The following OTC variants were observed in gnomAD, a reference collection of about 807,000 sequenced individuals.
OTC encodes ornithine transcarbamylase, mitochondrial.
Under a neutral mutation model 30.3 loss-of-function variants are expected in OTC, and 3 were observed. The observed-to-expected ratio is 0.10, with a 90% CI of 0.05 to 0.26. The LOEUF is 0.26. Among genes scored for constraint, OTC ranks in the 10% least tolerant of loss-of-function variants. The pLI is 1.00. For synonymous variants in OTC, 111 were observed against 99.7 expected, an observed-to-expected ratio of 1.11 and a Z score of -0.67; for missense variants, 194 against 260.3, an observed-to-expected ratio of 0.75 and a Z score of 1.75.
At chrX:38,356,312 A>G (rs1441166540) in intron 1 of OTC, among the ~76,000 whole-genome samples, 1 of 111,596 alleles carries the variant, frequency 9.0e-6, no homozygotes, top group African/African-American at 3.3e-5. Flanking sequence ...GAAGTTTCAC[A>G]ATTTTAGAAT....
Position 38,421,145 on chromosome X carries a change from G to A in OTC, c.*63G>A. On this transcript the variant is annotated 3_prime_UTR_variant, in exon 10 of 10. Transcript: ENST00000039007. ...AGTAACAGAATGAGTTGGTTTATGG[G>A]GAAAAGAGAAGAGAATCTAAAAAAT... 1 of 797,568 alleles carries A rather than the reference G, an allele frequency of 1.3e-6. No homozygotes were observed. The highest frequency in any genetic ancestry group is 2.1e-5 in the South Asian group (1 of 48,502). 65.7% of individuals were successfully genotyped at this position (797,568 alleles called of 1,213,427 possible).
the OTC span, among the ~76,000 whole-genome samples, chrX:38,327,725 C>T: frequency 4.4e-5 from 5 of 112,943 alleles, no homozygotes. Flanking sequence ...CTGTGGAGTC[C>T]GCGCCCTTGT....
chrX:38,368,000 G>A (rs1307033447), intron 2 of OTC, among the ~76,000 whole-genome samples: 1 of 111,167 alleles, frequency 9.0e-6, no homozygotes, highest in African/African-American at 3.3e-5. Flanking sequence ...TCACAGGAGT[G>A]AGCCACCGTG....
intron 4 of OTC, among the ~76,000 whole-genome samples, chrX:38,388,262 C>A (rs1372636125): frequency 9.0e-6 from 1 of 111,523 alleles, no homozygotes; most frequent in African/African-American, 3.3e-5. Flanking sequence ...AGAATCAGTC[C>A]TATTGCTCAC....
the OTC span, among the ~76,000 whole-genome samples, chrX:38,336,503 T>C: frequency 2.8e-5 from 3 of 105,385 alleles, no homozygotes; most frequent in Non-Finnish European, 5.8e-5. Flanking sequence ...ACACAATCAG[T>C]GGGAAATGAA....
At chrX:38,367,542 G>A in intron 2 of OTC, 113 bp downstream of exon 2, 4 of 626,671 alleles carry the variant, frequency 6.4e-6, no homozygotes, top group African/African-American at 2.2e-5. Flanking sequence ...CAGTAGCTAA[G>A]TAATGAAACC....
At chrX:38,409,396 G>C (rs1301783215) in intron 8 of OTC, among the ~76,000 whole-genome samples, 1 of 112,591 alleles carries the variant, frequency 8.9e-6, no homozygotes, top group East Asian at 2.8e-4. Flanking sequence ...CCTCAGGCTA[G>C]TCCTTGCCTC....
At chrX:38,353,103 T>C (rs2147315745) in intron 1 of OTC, among the ~76,000 whole-genome samples, 1 of 112,228 alleles carries the variant, frequency 8.9e-6, no homozygotes, top group African/African-American at 3.2e-5. Context: ...ATATTTGGGC[T>C]TGCTATAAAA....
At chrX:38,418,336 T>C (rs73632485) in intron 9 of OTC, among the ~76,000 whole-genome samples, 4,263 of 111,861 alleles carry the variant, frequency 0.038, 232 homozygotes, top group African/African-American at 0.13. Context: ...CAGGTTGTTT[T>C]CTTTCTCTTT....
chrX:38,363,560 C>A (rs1251090051), intron 1 of OTC, among the ~76,000 whole-genome samples: 1 of 111,618 alleles, frequency 9.0e-6, no homozygotes, highest in Non-Finnish European at 1.9e-5. Context: ...TTAACATTAT[C>A]AGTACTTAGT....
At position 38,378,610 on chromosome X, in the gene OTC, T is replaced by G. The variant is rs184740261; in HGVS notation, c.299-2732T>G. Among the ~76,000 whole-genome samples the G allele has an allele frequency of 1.2e-3, 133 of 111,983 alleles. 1 individual carries two copies. Among genetic ancestry groups the G allele is most frequent in the African/African-American group, 4.2e-3 (130 of 30,852 alleles). ...GACTTGTATCTTGTTTACAATGCTT[T>G]CTTCAGTGCCTAGAACAGCACCAGG... On this transcript the variant is annotated intron_variant, in intron 3 of 9. Coordinates refer to ENST00000039007, the MANE Select transcript of OTC (RefSeq NM_000531.6).
At chrX:38,357,821 CTG>C (rs1327062306) in intron 1 of OTC, among the ~76,000 whole-genome samples, 2 of 112,226 alleles carry the variant, frequency 1.8e-5, no homozygotes, top group Non-Finnish European at 3.8e-5. Context: ...TAAGAAATCT[CTG>C]TAATTATTTT....
At chrX:38,359,065 G>A (rs1157300247) in intron 1 of OTC, among the ~76,000 whole-genome samples, 1 of 111,857 alleles carries the variant, frequency 8.9e-6, no homozygotes, top group Non-Finnish European at 1.9e-5. Context: ...GGAGTTTGTG[G>A]CAAGAAAGAA....
chrX:38,398,251 T>C (rs1214258698), intron 4 of OTC, among the ~76,000 whole-genome samples: 1 of 111,911 alleles, frequency 8.9e-6, no homozygotes, highest in Non-Finnish European at 1.9e-5. Flanking sequence ...TCCTCACTCC[T>C]TCCTAACCTT....
chrX:38,343,595 G>A, the OTC span, among the ~76,000 whole-genome samples: 1 of 111,978 alleles, frequency 8.9e-6, no homozygotes, highest in Non-Finnish European at 1.9e-5. Flanking sequence ...TGTCTTCTGT[G>A]CAGAAATTTA....
chrX:38,389,487 G>A lies in OTC; in HGVS notation c.386+8058G>A, dbSNP rs139580322. The stretch of plus-strand genomic sequence containing the variant: ...AATGTTAAAGGTTTTACGATTTTTG[G>A]TAAAATGTTTTAAAATATTGGTACC... On this transcript the variant is annotated intron_variant, in intron 4 of 9. Transcript: ENST00000039007. Among the ~76,000 whole-genome samples, 123 of 111,470 alleles carry A rather than the reference G, an allele frequency of 1.1e-3. 3 individuals are homozygous for A. In the East Asian group the frequency reaches 0.033, roughly 30 times the overall value.
the OTC span, among the ~76,000 whole-genome samples, chrX:38,346,052 T>C: frequency 9.0e-6 from 1 of 111,581 alleles, no homozygotes; most frequent in African/African-American, 3.3e-5. Flanking sequence ...TTTCACTGTC[T>C]CAGTCATAAT....
At chrX:38,374,447 G>C (rs1002775468) in intron 3 of OTC, among the ~76,000 whole-genome samples, 1 of 110,331 alleles carries the variant, frequency 9.1e-6, no homozygotes, top group Non-Finnish European at 1.9e-5. Context: ...GGGATCTGAG[G>C]CTTCTTTTTG....
chrX:38,329,863 C>G, the OTC span, among the ~76,000 whole-genome samples: 1 of 111,676 alleles, frequency 9.0e-6, no homozygotes, highest in African/African-American at 3.3e-5. Flanking sequence ...TGGGAAACCT[C>G]TAGAGGGTAA....
Sources: allele counts gnomAD v4.1 joint callset (sites outside exome capture counted in the v4.1 genomes callset), GRCh38; gene constraint gnomAD v4.1.1; transcripts MANE v1.5; gene names NCBI Gene and HGNC (gene_info 2026-07-23, HGNC 2026-07-21).